ZNF510: variants seen among roughly 807,000 people sequenced by gnomAD.
ZNF510 encodes the protein zinc finger protein 510.
In ZNF510, 15 loss-of-function variants were observed where a neutral mutation model predicts 18.1. The observed-to-expected ratio is 0.83, with a 90% CI of 0.55 to 1.28. The LOEUF is 1.28. Ranked by LOEUF, ZNF510 falls within the 50% of genes most tolerant of loss-of-function variation. The probability of loss-of-function intolerance (pLI) is 0.00; values close to 1 mark genes in which losing one functional copy is unlikely to be tolerated. For missense variants in ZNF510, 724 were observed against 791.8 expected (o/e 0.91, Z 1.03); for synonymous variants, 261 against 266.4 (o/e 0.98, Z 0.20).
chr9:96,759,339 A>G lies in ZNF510; in HGVS notation c.1491T>C (p.Phe497=). Residue 497 remains phenylalanine (F), a synonymous_variant, in exon 6 of 6, where the codon TTT becomes TTC. Coordinates refer to ENST00000223428, the MANE Select transcript of ZNF510 (RefSeq NM_014930.3). ...GATCTCTGAGGGTGGACTTCTGAAC[A>G]AAAGTTTTCCCACATTCACTACATT... ...PYECSECGKT[F]VQKSTLRDHH... is the part of the protein sequence containing the mutation. 6.2e-7 allele frequency: 1 copy of G among 1,614,114 alleles called. No individual in the cohort carries two copies. The highest frequency in any genetic ancestry group is 1.1e-5 in the South Asian group (1 of 91,074).
rs1388885799 is a variant in ZNF510 at position 96,756,316 on chromosome 9, G to T, written c.*2462C>A. ...ACCGCTTCACTTTGGGTTTGTTAAT[G>T]GCACTGAGTTTGAACACACACAGGA... On this transcript the variant is annotated 3_prime_UTR_variant, in exon 6 of 6. Coordinates refer to ENST00000223428, the MANE Select transcript of ZNF510 (RefSeq NM_014930.3). 6.6e-6 allele frequency: 1 copy of T among 152,080 alleles called. No individual in the cohort carries two copies. Among genetic ancestry groups the T allele is most frequent in the African/African-American group, 2.4e-5 (1 of 41,392 alleles). 9.4% of individuals were successfully genotyped at this position (152,080 alleles called of 1,614,324 possible).
At chr9:96,771,587 C>T (rs921187964) in intron 3 of ZNF510, among the ~76,000 whole-genome samples, 3 of 151,958 alleles carry the variant, frequency 2.0e-5, no homozygotes, top group Non-Finnish European at 2.9e-5. Context: ...TCTATTATCA[C>T]CATTTGTACT....
Position 96,759,589 on chromosome 9 carries a change from C to G in ZNF510, c.1241G>C (p.Cys414Ser), listed in dbSNP as rs367882366. Reference sequence around the variant, plus strand: ...ATGTTGAATGAGATGTCCTTTCTGACAGAAGGATTTCCCACATTCATTACA... The same window carrying G: ...ATGTTGAATGAGATGTCCTTTCTGAGAGAAGGATTTCCCACATTCATTACA... ...YKCNECGKSF[C>S]QKGHLIQHQR... Residue 414 changes from cysteine (C) to serine (S), a missense_variant, in exon 6 of 6, where the codon TGT becomes TCT. Cys to Ser is a moderately radical substitution (Grantham distance 112). Coordinates refer to ENST00000223428, the MANE Select transcript of ZNF510 (RefSeq NM_014930.3). 3 of 1,613,962 alleles carry G rather than the reference C, an allele frequency of 1.9e-6. No homozygotes were observed. The highest frequency in any genetic ancestry group is 2.5e-6 in the Non-Finnish European group (3 of 1,179,978).
chr9:96,766,974 C>T (rs1849486728), intron 3 of ZNF510, among the ~76,000 whole-genome samples: 1 of 152,014 alleles, frequency 6.6e-6, no homozygotes, highest in Admixed American at 6.6e-5. Context: ...TGTGTGAAGT[C>T]CCTGGGGGCC....
In ZNF510 at chr9:96,755,269, G is replaced by A. The variant is rs907902708; in HGVS notation, c.*3509C>T. ...ATTTAAAAGGGGCAGGAAGAGAGAT[G>A]ATTCTAAATATTTTCTTTCAGAAAG... On this transcript the variant is annotated 3_prime_UTR_variant, in exon 6 of 6. Coordinates refer to ENST00000223428, the MANE Select transcript of ZNF510 (RefSeq NM_014930.3). Among the ~76,000 whole-genome samples, 7 of 151,892 alleles carry A rather than the reference G, an allele frequency of 4.6e-5. No homozygotes were observed. Among genetic ancestry groups the A allele is most frequent in the African/African-American group, 1.2e-4 (5 of 41,164 alleles).
rs1447324569 is a variant in ZNF510, at chr9:96,759,668, T to C, written c.1162A>G (p.Thr388Ala). 1.2e-6 allele frequency: 2 copies of C among 1,613,502 alleles called. No homozygotes were observed. The highest frequency in any genetic ancestry group is 4.5e-5 in the East Asian group (2 of 44,884). ...CTTCGGCGAACTCTGTGAACCGACGTCTGGTAGGATTTCTTATTTTCATGA... is the reference window on the plus strand; with the variant it reads ...CTTCGGCGAACTCTGTGAACCGACGCCTGGTAGGATTTCTTATTTTCATGA... Reference protein sequence around the residue: ...EYHENKKSYQTSVHRVRRRSH... With the variant: ...EYHENKKSYQASVHRVRRRSH... The change falls in exon 6 of 6, where the codon ACG becomes GCG. Residue 388 changes from threonine to alanine, a missense_variant. Thr to Ala is a moderately conservative substitution (Grantham distance 58, BLOSUM62 0). Transcript: ENST00000223428.
intron 3 of ZNF510, among the ~76,000 whole-genome samples, chr9:96,767,429 T>G (rs980239805): frequency 6.6e-6 from 1 of 152,166 alleles, no homozygotes; most frequent in Non-Finnish European, 1.5e-5. Context: ...CCAAAATGCA[T>G]GAGATGCAGC....
intron 3 of ZNF510, among the ~76,000 whole-genome samples, chr9:96,765,512 ACTTTTT>A (rs1849449250): frequency 6.8e-6 from 1 of 147,410 alleles, no homozygotes; most frequent in Admixed American, 6.7e-5. Flanking sequence ...TGATGATTTC[ACTTTTT>A]CTTTTTTTTT....
In ZNF510 at chr9:96,755,204, A is replaced by G. The variant is rs1406775720; in HGVS notation, c.*3574T>C. Among the ~76,000 whole-genome samples, 1 of 152,212 alleles carries G rather than the reference A, an allele frequency of 6.6e-6. No homozygotes were observed. The highest frequency in any genetic ancestry group is 1.5e-5 in the Non-Finnish European group (1 of 68,044). On this transcript the variant is annotated 3_prime_UTR_variant, in exon 6 of 6. Coordinates refer to ENST00000223428, the MANE Select transcript of ZNF510 (RefSeq NM_014930.3). ...TCAGTTCCACCCTACAGGGTTCCTGATCCTTAATACCAAACCCAGTCATAA... is the reference window on the plus strand; with the variant it reads ...TCAGTTCCACCCTACAGGGTTCCTGGTCCTTAATACCAAACCCAGTCATAA...
chr9:96,759,371 G>GT lies in ZNF510; in HGVS notation c.1458dup (p.Pro487ThrfsTer3). 6.2e-7 allele frequency: 1 copy of GT among 1,614,120 alleles called. No homozygotes were observed. The highest frequency in any genetic ancestry group is 1.1e-5 in the South Asian group (1 of 91,084). On this transcript the variant is annotated frameshift_variant, in exon 6 of 6. Transcript: ENST00000223428. LOFTEE classifies it low-confidence loss of function (END_TRUNC). ...TTCCCACATTCACTACATTCATAGG[G>GT]TTTTTCTCCTGTGTGAATTCTTTGA... is the stretch of plus-strand genomic sequence containing the variant.
Position 96,756,172 on chromosome 9 carries a change from A to G in ZNF510, c.*2606T>C, listed in dbSNP as rs754890096. On this transcript the variant is annotated 3_prime_UTR_variant, in exon 6 of 6. Transcript: ENST00000223428. The stretch of plus-strand genomic sequence containing the variant: ...TTTTAATCTGTAATTTCCAATTAGA[A>G]TATCAAATATCTAGGCCACATCCAG... The G allele has an allele frequency of 1.3e-5, 2 of 152,220 alleles. No individual in the cohort carries two copies. Among genetic ancestry groups the G allele is most frequent in the Non-Finnish European group, 2.9e-5 (2 of 68,048 alleles). 9.4% of individuals were successfully genotyped at this position (152,220 alleles called of 1,614,324 possible).
At chr9:96,761,154 A>G (rs946160089) in intron 5 of ZNF510, among the ~76,000 whole-genome samples, 2 of 152,200 alleles carry the variant, frequency 1.3e-5, no homozygotes, top group African/African-American at 4.8e-5. Flanking sequence ...TCATGCAACT[A>G]ACTTAGATGC....
chr9:96,773,877 C>G (rs981512088), intron 3 of ZNF510, among the ~76,000 whole-genome samples: 1 of 152,188 alleles, frequency 6.6e-6, no homozygotes, highest in East Asian at 1.9e-4. Context: ...CACCCGGCCC[C>G]TGTTGACATC....
At chr9:96,770,761 T>C (rs935460456) in intron 3 of ZNF510, among the ~76,000 whole-genome samples, 30 of 149,854 alleles carry the variant, frequency 2.0e-4, no homozygotes, top group African/African-American at 7.7e-4. Context: ...TGGGGGATGA[T>C]AGCTAAATGA....
Position 96,762,958 on chromosome 9 carries a change from TA to T in ZNF510, c.352+159del. 5.1e-6 allele frequency: 3 copies of T among 590,348 alleles called. No homozygotes were observed. The South Asian group carries it at 6.1e-5, about 12-fold the overall frequency. 36.6% of individuals were successfully genotyped at this position (590,348 alleles called of 1,614,324 possible). The stretch of plus-strand genomic sequence containing the variant: ...AATATATTAACAAATTTCTTACTTT[TA>T]ATGGAATCAACTTTATTAATTATTT... On this transcript the variant is annotated intron_variant, in intron 5 of 5. Transcript: ENST00000223428.
chr9:96,765,020 G>A (rs1588128549), intron 3 of ZNF510, among the ~76,000 whole-genome samples: 2 of 152,236 alleles, frequency 1.3e-5, no homozygotes, highest in South Asian at 4.1e-4. Flanking sequence ...GGCTGAGGCA[G>A]GAGAATCGTT....
rs1380418772 is a variant in ZNF510, at chr9:96,755,574, TTC to T, written c.*3202_*3203del. Among the ~76,000 whole-genome samples, 1 of 152,174 alleles carries T rather than the reference TTC, an allele frequency of 6.6e-6. No individual in the cohort carries two copies. The highest frequency in any genetic ancestry group is 1.9e-4 in the East Asian group (1 of 5,176). ...TCTATTTCTTAAGTCCTAAGATGTATTCTTTTTCCAAACTTGATTCAATTATC... is the reference window on the plus strand; with the variant it reads ...TCTATTTCTTAAGTCCTAAGATGTATTTTTTCCAAACTTGATTCAATTATC... On this transcript the variant is annotated 3_prime_UTR_variant, in exon 6 of 6. Transcript: ENST00000223428.
At chr9:96,776,792 C>G (rs1849712789) in intron 1 of ZNF510, among the ~76,000 whole-genome samples, 1 of 151,972 alleles carries the variant, frequency 6.6e-6, no homozygotes, top group Admixed American at 6.5e-5. Context: ...CCCCTCTCCC[C>G]CCACCAAAAA....
In ZNF510 at chr9:96,760,492, T is replaced by TCAGG; in HGVS notation, c.353-16_353-15insCCTG. The stretch of plus-strand genomic sequence containing the variant: ...TCTGTAATCTTCTAAAACAGAAATA[T>TCAGG]TGAAAACATCTTATGACTCTTACAT... On this transcript the variant is annotated splice_polypyrimidine_tract_variant and intron_variant, in intron 5 of 5. Coordinates refer to ENST00000223428, the MANE Select transcript of ZNF510 (RefSeq NM_014930.3). 1 of 1,571,782 alleles carries TCAGG rather than the reference T, an allele frequency of 6.4e-7. No homozygotes were observed. The highest frequency in any genetic ancestry group is 8.6e-7 in the Non-Finnish European group (1 of 1,160,930).
Sources: allele counts gnomAD v4.1 joint callset (sites outside exome capture counted in the v4.1 genomes callset), GRCh38; gene constraint gnomAD v4.1.1; transcripts MANE v1.5; gene names NCBI Gene and HGNC (gene_info 2026-07-23, HGNC 2026-07-21).